The following ARSB variants were observed in gnomAD, a reference collection of about 807,000 sequenced individuals.
ARSB encodes N-acetylgalactosamine-4-sulfatase.
In ARSB, 41 loss-of-function variants were observed where a neutral mutation model predicts 50.9. The ratio of observed to expected loss-of-function variants is 0.81; its 90% confidence interval spans 0.63 to 1.04. The LOEUF (loss-of-function observed/expected upper bound fraction) is 1.04, where lower values mean the gene tolerates loss of function less well. ARSB is among the 50% of genes least tolerant of loss of function. The probability of loss-of-function intolerance (pLI) is 0.00; values close to 1 mark genes in which losing one functional copy is unlikely to be tolerated. For synonymous variants in ARSB, 269 were observed against 284.8 expected, an observed-to-expected ratio of 0.94 and a Z score of 0.56; for missense variants, 672 against 693.3, an observed-to-expected ratio of 0.97 and a Z score of 0.35.
intron 4 of ARSB, among the ~76,000 whole-genome samples, chr5:78,894,302 A>G (rs1748469051): frequency 6.6e-6 from 1 of 152,258 alleles, no homozygotes; most frequent in Non-Finnish European, 1.5e-5. Context: ...AAGCTAGCAC[A>G]TTCTATCTGG....
At chr5:78,932,477 T>C (rs1750372870) in intron 4 of ARSB, among the ~76,000 whole-genome samples, 1 of 152,210 alleles carries the variant, frequency 6.6e-6, no homozygotes, top group South Asian at 2.1e-4. Context: ...TCTAAAACCC[T>C]TTCCAGCTCT....
At chr5:78,807,197 C>T (rs1300967406) in intron 6 of ARSB, among the ~76,000 whole-genome samples, 2 of 152,308 alleles carry the variant, frequency 1.3e-5, no homozygotes, top group East Asian at 1.9e-4. Flanking sequence ...TAGTCTCCCT[C>T]CTTAAGAGTG....
At chr5:78,889,477 A>G (rs337883) in intron 4 of ARSB, among the ~76,000 whole-genome samples, 26,949 of 152,190 alleles carry the variant, frequency 0.18, 2,780 homozygotes, top group East Asian at 0.47. Context: ...CCAGCTCCTA[A>G]AAGAAGCAAA....
intron 4 of ARSB, among the ~76,000 whole-genome samples, chr5:78,948,503 A>G (rs1751352940): frequency 1.3e-5 from 2 of 152,220 alleles, no homozygotes; most frequent in African/African-American, 2.4e-5. Context: ...GAGAAAGACA[A>G]TATTTGTTAA....
Position 78,941,080 on chromosome 5 carries a change from CTGTT to C in ARSB, c.898+14211_898+14214del, listed in dbSNP as rs1347355873. ...GGGAGTTCACTCATGATTTGGCTCT[CTGTT>C]TGTCTGTTATTGGTGTATAAGAATG... On this transcript the variant is annotated intron_variant, in intron 4 of 7. Transcript: ENST00000264914. Among the ~76,000 whole-genome samples the C allele has an allele frequency of 7.4e-5, 11 of 149,580 alleles. No individual in the cohort carries two copies. The South Asian group carries it at 1.5e-3, about 21-fold the overall frequency.
chr5:78,918,674 A>G (rs934556532), intron 4 of ARSB, among the ~76,000 whole-genome samples: 2 of 152,270 alleles, frequency 1.3e-5, no homozygotes, highest in Admixed American at 1.3e-4. Context: ...CTAAAATGTT[A>G]GAATAACAGT....
At chr5:78,810,948 A>T (rs1266610014) in intron 6 of ARSB, among the ~76,000 whole-genome samples, 2 of 152,378 alleles carry the variant, frequency 1.3e-5, no homozygotes, top group South Asian at 4.1e-4. Flanking sequence ...TAGCAATACA[A>T]GAAAAGTTAG....
At chr5:78,817,694 A>T (rs893291550) in intron 6 of ARSB, among the ~76,000 whole-genome samples, 1 of 152,124 alleles carries the variant, frequency 6.6e-6, no homozygotes, top group African/African-American at 2.4e-5. Flanking sequence ...CTGTACTCCC[A>T]GCTACTCAGG....
intron 1 of ARSB, among the ~76,000 whole-genome samples, chr5:78,979,551 G>A (rs1306661119): frequency 2.0e-5 from 3 of 152,208 alleles, no homozygotes; most frequent in Non-Finnish European, 4.4e-5. Flanking sequence ...GTGGCGCCTG[G>A]CCTCTCCTCT....
chr5:78,967,938 G>C (rs1191647858), intron 2 of ARSB, among the ~76,000 whole-genome samples: 1 of 152,166 alleles, frequency 6.6e-6, no homozygotes, highest in Non-Finnish European at 1.5e-5. Context: ...GAACTTGAAA[G>C]AAAGATATAT....
chr5:78,913,430 C>T (rs1478613667), intron 4 of ARSB, among the ~76,000 whole-genome samples: 1 of 152,178 alleles, frequency 6.6e-6, no homozygotes, highest in African/African-American at 2.4e-5. Flanking sequence ...CGGCTTAATT[C>T]GCTTTTGAGT....
At chr5:78,854,152 C>T (rs978846649) in intron 5 of ARSB, among the ~76,000 whole-genome samples, 2 of 152,234 alleles carry the variant, frequency 1.3e-5, no homozygotes, top group Non-Finnish European at 2.9e-5. Flanking sequence ...TCTTCTGTGT[C>T]GCTCACGCTG....
chr5:78,970,279 C>A (rs375322117), intron 1 of ARSB, among the ~76,000 whole-genome samples: 5 of 152,056 alleles, frequency 3.3e-5, no homozygotes, highest in African/African-American at 1.2e-4. Context: ...GATACAACAA[C>A]CTAGCAAACT....
intron 5 of ARSB, among the ~76,000 whole-genome samples, chr5:78,880,478 CCAAAA>C (rs1210612196): frequency 6.6e-6 from 1 of 152,242 alleles, no homozygotes; most frequent in Middle Eastern, 3.4e-3. Context: ...ATTTTTGCCA[CCAAAA>C]CAAAACAAAA....
chr5:78,968,315 T>TTTATTATTATTATTA (rs138887783), intron 2 of ARSB, among the ~76,000 whole-genome samples: 1 of 143,128 alleles, frequency 7.0e-6, no homozygotes, highest in South Asian at 2.2e-4. Flanking sequence ...CATTTTTTAT[T>TTTATTATTATTATTA]TTATTATTAT....
chr5:78,942,514 T>G (rs1404316782), intron 4 of ARSB, among the ~76,000 whole-genome samples: 1 of 152,214 alleles, frequency 6.6e-6, no homozygotes, highest in Non-Finnish European at 1.5e-5. Flanking sequence ...AAGAACATCT[T>G]TATTTCTGCC....
rs1410780767 is a variant in ARSB, at chr5:78,778,178, G to C, written c.*2219C>G. ...CTACACCCAGCCCTGGGATTCGGAG[G>C]ATGCAGAAGGAACATCTGGGCTCAG... On this transcript the variant is annotated 3_prime_UTR_variant, in exon 8 of 8. Coordinates refer to ENST00000264914, the MANE Select transcript of ARSB (RefSeq NM_000046.5). 6.6e-6 allele frequency: 1 copy of C among 152,202 alleles called. No homozygotes were observed. The highest frequency in any genetic ancestry group is 1.5e-5 in the Non-Finnish European group (1 of 68,044). 9.4% of individuals were successfully genotyped at this position (152,202 alleles called of 1,614,324 possible).
intron 1 of ARSB, among the ~76,000 whole-genome samples, chr5:78,975,670 C>G (rs1028587542): frequency 2.6e-5 from 4 of 152,196 alleles, no homozygotes; most frequent in African/African-American, 7.2e-5. Context: ...CTTTCTTACT[C>G]TTTAATCTTT....
At chr5:78,814,345 C>T (rs1743916229) in intron 6 of ARSB, among the ~76,000 whole-genome samples, 1 of 150,856 alleles carries the variant, frequency 6.6e-6, no homozygotes, top group African/African-American at 2.5e-5. Flanking sequence ...ATCTGCGATC[C>T]CTTATGAAAT....
Sources: allele counts gnomAD v4.1 joint callset (sites outside exome capture counted in the v4.1 genomes callset), GRCh38; gene constraint gnomAD v4.1.1; transcripts MANE v1.5; gene names NCBI Gene and HGNC (gene_info 2026-07-23, HGNC 2026-07-21).